The following LAMA1 variants were observed in gnomAD, a reference collection of about 807,000 sequenced individuals.
LAMA1 encodes the protein laminin subunit alpha 1.
LAMA1 carries 219 observed loss-of-function variants against 348.7 expected under a neutral mutation model. The ratio of observed to expected loss-of-function variants is 0.63; its 90% CI spans 0.56 to 0.70. The LOEUF (loss-of-function observed/expected upper bound fraction) is 0.70. Ranked by LOEUF, LAMA1 falls within the 30% of genes least tolerant of loss-of-function variation. The pLI, the probability that LAMA1 is intolerant of heterozygous loss-of-function variation, is 0.00. For missense variants in LAMA1, 3,744 were observed against 3,888.0 expected (o/e 0.96, Z 0.99); for synonymous variants, 1,487 against 1,491.0 (o/e 1.00, Z 0.06).
intron 3 of LAMA1, among the ~76,000 whole-genome samples, chr18:7,053,094 T>C (rs2143730718): frequency 6.6e-6 from 1 of 152,278 alleles, no homozygotes; most frequent in Middle Eastern, 3.4e-3. Flanking sequence ...AAAGGCTACA[T>C]ACTATATGAT....
At chr18:6,952,778 G>T (rs1158749019) in intron 57 of LAMA1, among the ~76,000 whole-genome samples, 1 of 151,690 alleles carries the variant, frequency 6.6e-6, no homozygotes, top group Non-Finnish European at 1.5e-5. Context: ...GTCTGCCTAT[G>T]TCCAGTGGAT....
At chr18:6,976,244 A>G (rs908422366) in intron 44 of LAMA1, among the ~76,000 whole-genome samples, 164 bp from the exon 45 acceptor site, 3 of 152,220 alleles carry the variant, frequency 2.0e-5, no homozygotes, top group Non-Finnish European at 2.9e-5. Context: ...TCAGATGGTA[A>G]CAAAAATGAT....
chr18:7,053,440 T>C (rs567582867), intron 3 of LAMA1, among the ~76,000 whole-genome samples: 1 of 151,412 alleles, frequency 6.6e-6, no homozygotes, highest in East Asian at 1.9e-4. Context: ...AGGGAGAGAG[T>C]GAGGAGTATG....
chr18:7,098,906 G>C (rs1184277948), intron 1 of LAMA1, among the ~76,000 whole-genome samples: 22 of 146,202 alleles, frequency 1.5e-4, no homozygotes, highest in Non-Finnish European at 2.6e-4. Context: ...GCCTCTGCCC[G>C]GCCGCCCCTA....
chr18:7,051,038 G>A, intron 3 of LAMA1, 102 bp from the exon 4 acceptor site: 1 of 1,439,006 alleles, frequency 6.9e-7, no homozygotes, highest in Admixed American at 1.9e-5. Flanking sequence ...ATCTAAGATA[G>A]TTGAACTTAG....
chr18:7,042,510 C>T (rs982922567), intron 8 of LAMA1: 3 of 407,176 alleles, frequency 7.4e-6, no homozygotes, highest in African/African-American at 4.1e-5. Context: ...GCCCCCCTCG[C>T]GCTGCTGTCT....
In LAMA1 at chr18:7,035,975, A is replaced by G; in HGVS notation, c.1839+12T>C. 1 of 1,608,508 alleles carries G rather than the reference A, an allele frequency of 6.2e-7. No homozygotes were observed. Among genetic ancestry groups the G allele is most frequent in the Non-Finnish European group, 8.5e-7 (1 of 1,174,860 alleles). On this transcript the variant is annotated intron_variant, in intron 13 of 62. Transcript: ENST00000389658. Reference sequence around the variant, plus strand: ...CTAAGCTCTATAGCAGAATCAAAGCAAAAACAATCACCTTAATGATGACGT... The same window carrying G: ...CTAAGCTCTATAGCAGAATCAAAGCGAAAACAATCACCTTAATGATGACGT...
intron 53 of LAMA1, 97 bp from the exon 54 acceptor site, chr18:6,959,589 C>T: frequency 7.8e-7 from 1 of 1,284,000 alleles, no homozygotes; most frequent in Non-Finnish European, 1.1e-6. Flanking sequence ...AGATTAACAT[C>T]AAGTGAGTAG....
intron 19 of LAMA1, among the ~76,000 whole-genome samples, chr18:7,018,652 T>C (rs79990472): frequency 0.18 from 27,329 of 151,944 alleles, 3,028 homozygotes; most frequent in African/African-American, 0.31. Flanking sequence ...GCCTCGGCCT[T>C]CCAAAGTGCT....
At chr18:7,103,563 T>G (rs56246857) in intron 1 of LAMA1, among the ~76,000 whole-genome samples, 6,911 of 151,912 alleles carry the variant, frequency 0.045, 429 homozygotes, top group African/African-American at 0.14. Context: ...TCCTAGCACT[T>G]TGGGAGGCCG....
intron 30 of LAMA1, among the ~76,000 whole-genome samples, chr18:7,001,224 C>T (rs2057806208): frequency 6.6e-6 from 1 of 152,134 alleles, no homozygotes; most frequent in South Asian, 2.1e-4. Flanking sequence ...TACAGATATA[C>T]CTTATTCTTT....
intron 16 of LAMA1, among the ~76,000 whole-genome samples, chr18:7,028,062 C>A (rs2057952552): frequency 6.6e-6 from 1 of 152,128 alleles, no homozygotes. Context: ...GAACTAGAAG[C>A]TACCATATCC....
chr18:7,062,745 A>T (rs1371110774), intron 3 of LAMA1, among the ~76,000 whole-genome samples: 1 of 152,180 alleles, frequency 6.6e-6, no homozygotes, highest in Non-Finnish European at 1.5e-5. Flanking sequence ...AAGAGTGCAG[A>T]GTTCTCTCCT....
At chr18:6,950,184 C>A (rs1381214472) in intron 58 of LAMA1, among the ~76,000 whole-genome samples, 1 of 152,136 alleles carries the variant, frequency 6.6e-6, no homozygotes, top group Non-Finnish European at 1.5e-5. Flanking sequence ...TTCCCCAATC[C>A]AATCAATCAG....
At chr18:6,957,375 A>AT (rs2057584802) in intron 55 of LAMA1, 1 of 158,608 alleles carries the variant, frequency 6.3e-6, no homozygotes, top group African/African-American at 2.4e-5. Context: ...GAATGAATGA[A>AT]CAGACAACTG....
chr18:6,941,963 C>A lies in LAMA1; in HGVS notation c.*116G>T. On this transcript the variant is annotated 3_prime_UTR_variant, in exon 63 of 63. Coordinates refer to ENST00000389658, the MANE Select transcript of LAMA1 (RefSeq NM_005559.4). ...GTAACGTAAACACAACATCTCTCCC[C>A]AGAAACACTTAACCTGAGTTGGAAA... 1 of 1,334,686 alleles carries A rather than the reference C, an allele frequency of 7.5e-7. No individual in the cohort carries two copies. Among genetic ancestry groups the A allele is most frequent in the Non-Finnish European group, 1.1e-6 (1 of 937,596 alleles). The allele number at this position is 1,334,686 out of a possible 1,614,324, so 82.7% of individuals were successfully genotyped here. A position where few individuals can be genotyped will look rare whatever the true frequency, so the allele number is the denominator to read the frequency against.
At chr18:6,950,319 AATTAAACT>A (rs1384063905) in intron 58 of LAMA1, among the ~76,000 whole-genome samples, 3 of 152,166 alleles carry the variant, frequency 2.0e-5, no homozygotes, top group Non-Finnish European at 4.4e-5. Context: ...CCTATGCAAT[AATTAAACT>A]CTTTCTTTGC....
intron 51 of LAMA1, among the ~76,000 whole-genome samples, chr18:6,963,067 T>G (rs537622179): frequency 6.6e-6 from 1 of 152,274 alleles, no homozygotes; most frequent in South Asian, 2.1e-4. Flanking sequence ...ACCTCATTTT[T>G]TTTTTTTCTC....
intron 30 of LAMA1, among the ~76,000 whole-genome samples, chr18:7,000,767 T>C (rs2057804260): frequency 6.6e-6 from 1 of 152,216 alleles, no homozygotes; most frequent in Non-Finnish European, 1.5e-5. Flanking sequence ...TGGTTCCTTT[T>C]CGTTAGCAAG....
Sources: gnomAD v4.1 joint callset for allele counts (sites outside exome capture counted in the v4.1 genomes callset) on GRCh38, gnomAD v4.1.1 for gene constraint, MANE v1.5 for transcripts, NCBI Gene and HGNC (gene_info 2026-07-23, HGNC 2026-07-21) for gene names.